CADM2: variants seen among roughly 807,000 people sequenced by gnomAD.
CADM2 encodes immunoglobulin superfamily member 4D.
CADM2 carries 12 observed loss-of-function variants against 49.8 expected under a neutral mutation model. That is an observed-to-expected ratio of 0.24 (90% confidence interval 0.15 to 0.39). The LOEUF is 0.39. Among genes scored for constraint, CADM2 ranks in the 10% least tolerant of loss-of-function variants. CADM2 has a pLI of 1.00. For missense variants in CADM2, 378 were observed against 492.3 expected, an observed-to-expected ratio of 0.77 and a Z score of 2.20; for synonymous variants, 214 against 175.4, an observed-to-expected ratio of 1.22 and a Z score of -1.74.
intron 2 of CADM2, chr3:85,801,066 A>G (rs543193739): frequency 6.6e-6 from 1 of 152,320 alleles, no homozygotes; most frequent in South Asian, 2.1e-4. Flanking sequence ...TAATATTTTA[A>G]CCTGGTTCTA....
At chr3:85,473,996 A>T (rs983704876) in intron 1 of CADM2, among the ~76,000 whole-genome samples, 2 of 151,986 alleles carry the variant, frequency 1.3e-5, no homozygotes, top group Admixed American at 1.3e-4. Flanking sequence ...CATTCCCTAA[A>T]TATTGTTGCA....
At chr3:85,606,223 T>C (rs2063533198) in intron 1 of CADM2, among the ~76,000 whole-genome samples, 1 of 152,132 alleles carries the variant, frequency 6.6e-6, no homozygotes, top group South Asian at 2.1e-4. Flanking sequence ...GTCTTAAAGC[T>C]AGTGAGTATC....
chr3:86,041,401 T>C (rs147624409), intron 8 of CADM2, among the ~76,000 whole-genome samples: 5,767 of 151,694 alleles, frequency 0.038, 345 homozygotes, highest in African/African-American at 0.13. Flanking sequence ...ACGAAGCAAA[T>C]GGAAAACAAA....
chr3:85,935,359 G>A (rs867924496), intron 6 of CADM2, among the ~76,000 whole-genome samples: 2 of 152,080 alleles, frequency 1.3e-5, no homozygotes, highest in Non-Finnish European at 2.9e-5. Flanking sequence ...GTGAGTCCCT[G>A]GTATTCCTGT....
rs570674695 is a variant in CADM2 at position 85,653,751 on chromosome 3, A to AT, written c.62-72767dup. On this transcript the variant is annotated intron_variant, in intron 1 of 9. Transcript: ENST00000383699. ...CGTATACGGCATCACCTAGGGAGTG[A>AT]TTTTCAATAGAGAAGCTGTACAAGT... is the stretch of plus-strand genomic sequence containing the variant. 3.2e-3 allele frequency among the ~76,000 whole-genome samples: 483 copies of AT among 152,244 alleles called. 3 individuals carry two copies. The highest frequency in any genetic ancestry group is 0.011 in the African/African-American group (460 of 41,538).
intron 1 of CADM2, among the ~76,000 whole-genome samples, chr3:85,714,131 A>G (rs1233265452): frequency 2.0e-5 from 3 of 152,218 alleles, no homozygotes; most frequent in Admixed American, 1.3e-4. Context: ...TGGGAATTGA[A>G]TAGGTTATTT....
intron 1 of CADM2, among the ~76,000 whole-genome samples, chr3:85,641,926 G>A (rs142948979): frequency 6.6e-6 from 1 of 151,980 alleles, no homozygotes; most frequent in East Asian, 1.9e-4. Context: ...GCGAGACTCC[G>A]TCTCAAAAAA....
At chr3:85,507,207 A>T (rs2107678208) in intron 1 of CADM2, among the ~76,000 whole-genome samples, 1 of 142,196 alleles carries the variant, frequency 7.0e-6, no homozygotes, top group Non-Finnish European at 1.5e-5. Context: ...TTTTTGAGAC[A>T]GAATCTTGCT....
chr3:85,231,992 G>A (rs1448822038), intron 1 of CADM2, among the ~76,000 whole-genome samples: 1 of 151,886 alleles, frequency 6.6e-6, no homozygotes, highest in Non-Finnish European at 1.5e-5. Context: ...TGGGATTACA[G>A]ACGTGAGCCA....
intron 2 of CADM2, among the ~76,000 whole-genome samples, chr3:85,744,690 G>A (rs1321660395): frequency 2.0e-5 from 3 of 152,102 alleles, no homozygotes; most frequent in Admixed American, 6.6e-5. Flanking sequence ...GGGCCCCAAG[G>A]CAGGAGTATG....
chr3:85,870,216 GCTAA>G (rs1186508500), intron 3 of CADM2, among the ~76,000 whole-genome samples: 1 of 151,756 alleles, frequency 6.6e-6, no homozygotes, highest in East Asian at 1.9e-4. Flanking sequence ...GCTTGTTTGG[GCTAA>G]CTAACTTTTT....
chr3:85,706,305 C>T (rs2066949641), intron 1 of CADM2, among the ~76,000 whole-genome samples: 1 of 152,142 alleles, frequency 6.6e-6, no homozygotes, highest in South Asian at 2.1e-4. Context: ...TATTTCTATC[C>T]AATTTGCCTG....
At chr3:85,500,968 A>G (rs1416423378) in intron 1 of CADM2, among the ~76,000 whole-genome samples, 4 of 152,166 alleles carry the variant, frequency 2.6e-5, no homozygotes, top group East Asian at 3.8e-4. Context: ...CCCTCATTCA[A>G]TTTCTGTGGA....
At chr3:85,556,260 G>T (rs1026057937) in intron 1 of CADM2, among the ~76,000 whole-genome samples, 1 of 152,002 alleles carries the variant, frequency 6.6e-6, no homozygotes, top group Non-Finnish European at 1.5e-5. Flanking sequence ...TATTCGTATG[G>T]GGGAGGTTGG....
Position 85,136,675 on chromosome 3 carries a change from T to A in CADM2, c.61+177007T>A, listed in dbSNP as rs550968404. Among the ~76,000 whole-genome samples the A allele has an allele frequency of 7.6e-4, 115 of 152,066 alleles. 1 individual carries two copies. Among genetic ancestry groups the A allele is most frequent in the African/African-American group, 2.7e-3 (112 of 41,550 alleles). ...TCTAACTGCAAGTTAAAACATTTCTTAAGCAAGTTACTTAAGAATGCAAAG... is the reference window on the plus strand; with the variant it reads ...TCTAACTGCAAGTTAAAACATTTCTAAAGCAAGTTACTTAAGAATGCAAAG... On this transcript the variant is annotated intron_variant, in intron 1 of 9. Transcript: ENST00000383699.
intron 2 of CADM2, among the ~76,000 whole-genome samples, chr3:85,751,493 G>T (rs1673735030): frequency 6.6e-6 from 1 of 152,050 alleles, no homozygotes; most frequent in South Asian, 2.1e-4. Flanking sequence ...TCATGGAAAG[G>T]TTATTCAGAA....
chr3:86,025,465 A>C (rs927726855), intron 8 of CADM2, among the ~76,000 whole-genome samples: 2 of 152,098 alleles, frequency 1.3e-5, no homozygotes, highest in Admixed American at 1.3e-4. Flanking sequence ...GCTTGTAGTC[A>C]CATACAGTTT....
At chr3:85,469,369 C>T (rs1221686856) in intron 1 of CADM2, among the ~76,000 whole-genome samples, 1 of 152,058 alleles carries the variant, frequency 6.6e-6, no homozygotes, top group East Asian at 1.9e-4. Context: ...AAGCAGGAAG[C>T]CAGTCATCAA....
chr3:85,623,363 T>A (rs575324465), intron 1 of CADM2, among the ~76,000 whole-genome samples: 1 of 152,312 alleles, frequency 6.6e-6, no homozygotes, highest in East Asian at 1.9e-4. Flanking sequence ...TATATGAATT[T>A]TCACTTTAAA....
Sources: allele counts gnomAD v4.1 joint callset (sites outside exome capture counted in the v4.1 genomes callset), GRCh38; gene constraint gnomAD v4.1.1; transcripts MANE v1.5; gene names NCBI Gene and HGNC (gene_info 2026-07-23, HGNC 2026-07-21).